SBF2: variants seen among roughly 807,000 people sequenced by gnomAD.
The protein encoded by SBF2 is myotubularin-related protein 13.
Under a neutral mutation model 225.2 loss-of-function variants are expected in SBF2, and 112 were observed. That is an observed-to-expected ratio of 0.50 (90% CI 0.43 to 0.58). The LOEUF (loss-of-function observed/expected upper bound fraction) is 0.58, where lower values mean the gene tolerates loss of function less well. Among genes scored for constraint, SBF2 ranks in the 20% least tolerant of loss-of-function variants. SBF2 has a pLI of 0.00. For missense variants in SBF2, 1,996 were observed against 2,206.2 expected (o/e 0.90, Z 1.91); for synonymous variants, 763 against 773.3 (o/e 0.99, Z 0.22).
chr11:9,892,581 C>T (rs1054962329), intron 17 of SBF2, among the ~76,000 whole-genome samples: 4 of 147,476 alleles, frequency 2.7e-5, no homozygotes, highest in Non-Finnish European at 4.5e-5. Context: ...TTTTTTTAGA[C>T]GGAGTTTTGC....
intron 1 of SBF2, among the ~76,000 whole-genome samples, chr11:10,229,959 T>C (rs1591266994): frequency 6.6e-6 from 1 of 152,196 alleles, no homozygotes; most frequent in Non-Finnish European, 1.5e-5. Context: ...AGTCTCTTTG[T>C]AGGTCACTAA....
intron 1 of SBF2, among the ~76,000 whole-genome samples, chr11:10,240,989 ATAGAT>A (rs1959202954): frequency 1.3e-5 from 2 of 152,332 alleles, no homozygotes; most frequent in South Asian, 2.1e-4. Flanking sequence ...ATTAATATTA[ATAGAT>A]TAAACAAATT....
At chr11:9,786,794 CA>C (rs1297067093) in intron 36 of SBF2, among the ~76,000 whole-genome samples, 3 of 152,208 alleles carry the variant, frequency 2.0e-5, no homozygotes, top group African/African-American at 7.2e-5. Context: ...GTACTAAGCA[CA>C]GACCCTTCCA....
At chr11:10,155,266 G>T (rs4267063) in intron 2 of SBF2, among the ~76,000 whole-genome samples, 74,685 of 151,742 alleles carry the variant, frequency 0.49, 18,701 homozygotes, top group Non-Finnish European at 0.54. Context: ...TCATTTTCCC[G>T]CATTAGAGAA....
chr11:9,979,811 T>A (rs1274815005), intron 13 of SBF2, among the ~76,000 whole-genome samples: 1 of 114,712 alleles, frequency 8.7e-6, no homozygotes, highest in African/African-American at 3.3e-5. Context: ...TAAATTCATC[T>A]TTTTTTTTTT....
intron 16 of SBF2, among the ~76,000 whole-genome samples, chr11:9,934,723 G>A (rs1864755312): frequency 6.6e-6 from 1 of 152,162 alleles, no homozygotes; most frequent in Non-Finnish European, 1.5e-5. Flanking sequence ...TATCTCAACA[G>A]ATGCAGAAAA....
chr11:9,820,524 G>A (rs1854692753), intron 28 of SBF2, among the ~76,000 whole-genome samples: 1 of 152,202 alleles, frequency 6.6e-6, no homozygotes, highest in Non-Finnish European at 1.5e-5. Context: ...TGACAGTGAT[G>A]CTTGAGTAGT....
chr11:9,972,645 T>G (rs1946517526), intron 13 of SBF2, among the ~76,000 whole-genome samples: 2 of 152,194 alleles, frequency 1.3e-5, no homozygotes, highest in East Asian at 3.9e-4. Context: ...CACGCCTGGC[T>G]AATTCTTTTG....
intron 1 of SBF2, among the ~76,000 whole-genome samples, chr11:10,284,610 G>A (rs1007953056): frequency 2.6e-5 from 4 of 151,744 alleles, no homozygotes; most frequent in South Asian, 2.1e-4. Flanking sequence ...TTTTTGAGAC[G>A]GGATCTTGTT....
chr11:10,199,236 G>C (rs1245021072), intron 1 of SBF2, among the ~76,000 whole-genome samples: 1 of 152,090 alleles, frequency 6.6e-6, no homozygotes, highest in Admixed American at 6.5e-5. Flanking sequence ...GAGAGATGAT[G>C]GAATGGCTGG....
intron 22 of SBF2, among the ~76,000 whole-genome samples, chr11:9,847,953 T>C (rs997350896): frequency 3.3e-5 from 5 of 152,038 alleles, no homozygotes; most frequent in Non-Finnish European, 5.9e-5. Context: ...TTTGGGAGAA[T>C]TGAGAGAGAA....
intron 19 of SBF2, among the ~76,000 whole-genome samples, chr11:9,854,648 T>C (rs192683176): frequency 6.6e-6 from 1 of 152,296 alleles, no homozygotes; most frequent in African/African-American, 2.4e-5. Context: ...GCAGCGATGC[T>C]AGCTGTAACC....
intron 17 of SBF2, among the ~76,000 whole-genome samples, chr11:9,866,842 G>A (rs1858263898): frequency 6.6e-6 from 1 of 152,036 alleles, no homozygotes; most frequent in Non-Finnish European, 1.5e-5. Context: ...CATCCAACAA[G>A]GGATTAATAA....
At chr11:10,185,113 G>C (rs1956882264) in intron 2 of SBF2, among the ~76,000 whole-genome samples, 1 of 150,724 alleles carries the variant, frequency 6.6e-6, no homozygotes, top group Non-Finnish European at 1.5e-5. Flanking sequence ...ATATTCTGGG[G>C]GGGGGTGTGT....
intron 16 of SBF2, among the ~76,000 whole-genome samples, chr11:9,943,818 T>G (rs984050692): frequency 3.3e-5 from 5 of 152,224 alleles, no homozygotes; most frequent in Non-Finnish European, 7.3e-5. Context: ...GGAAAATAAT[T>G]TGTTATAATC....
intron 2 of SBF2, among the ~76,000 whole-genome samples, chr11:10,155,269 T>C (rs567675599): frequency 6.6e-6 from 1 of 152,298 alleles, no homozygotes; most frequent in Non-Finnish European, 1.5e-5. Context: ...TTTTCCCGCA[T>C]TAGAGAATAG....
chr11:9,957,184 G>A (rs1337769768), intron 16 of SBF2: 1 of 152,150 alleles, frequency 6.6e-6, no homozygotes. Context: ...CCAAAGCCAT[G>A]GGGATCAAGT....
At chr11:9,858,704 T>C (rs1244357765) in intron 17 of SBF2, among the ~76,000 whole-genome samples, 2 of 152,202 alleles carry the variant, frequency 1.3e-5, no homozygotes, top group Non-Finnish European at 2.9e-5. Context: ...TAGTGAATAT[T>C]ATTACAATTA....
chr11:9,967,990 TA>T (rs1232724661), intron 14 of SBF2, among the ~76,000 whole-genome samples: 3 of 138,890 alleles, frequency 2.2e-5, no homozygotes, highest in Non-Finnish European at 4.6e-5. Context: ...TATATATATA[TA>T]AAATATATAT....
Sources: allele counts gnomAD v4.1 joint callset (sites outside exome capture counted in the v4.1 genomes callset), GRCh38; gene constraint gnomAD v4.1.1; transcripts MANE v1.5; gene names NCBI Gene and HGNC (gene_info 2026-07-23, HGNC 2026-07-21).